The following CSMD1 variants were observed in gnomAD, a reference collection of about 807,000 sequenced individuals.
CSMD1 encodes the protein CUB and Sushi multiple domains 1.
Under a neutral mutation model 417.5 loss-of-function variants are expected in CSMD1, and 213 were observed. The ratio of observed to expected loss-of-function variants is 0.51; its 90% CI spans 0.46 to 0.57. The LOEUF (loss-of-function observed/expected upper bound fraction) is 0.57. Among genes scored for constraint, CSMD1 ranks in the 20% least tolerant of loss-of-function variants. CSMD1 has a pLI of 0.00. For missense variants in CSMD1, 6,923 were observed against 4,529.7 expected (o/e 1.53, Z -15.17); for synonymous variants, 2,862 against 1,736.8 (o/e 1.65, Z -16.11).
chr8:4,975,699 T>C (rs1489529885), intron 1 of CSMD1, among the ~76,000 whole-genome samples: 2 of 152,192 alleles, frequency 1.3e-5, no homozygotes, highest in Non-Finnish European at 2.9e-5. Flanking sequence ...CTATTACCAT[T>C]GTGAGCTCTT....
intron 3 of CSMD1, among the ~76,000 whole-genome samples, chr8:4,338,052 A>G (rs938351817): frequency 2.6e-5 from 4 of 152,162 alleles, no homozygotes; most frequent in African/African-American, 4.8e-5. Flanking sequence ...ATCTGCTTCA[A>G]TAAAGCCCCA....
intron 10 of CSMD1, among the ~76,000 whole-genome samples, chr8:3,530,433 T>G (rs752291299): frequency 6.6e-6 from 1 of 152,090 alleles, no homozygotes; most frequent in Non-Finnish European, 1.5e-5. Flanking sequence ...TTTAGGTGTG[T>G]TGTTTAACTT....
chr8:4,566,628 G>T (rs1798621711), intron 2 of CSMD1, among the ~76,000 whole-genome samples: 3 of 131,684 alleles, frequency 2.3e-5, no homozygotes, highest in Non-Finnish European at 3.1e-5. Context: ...ACTCCAGCCT[G>T]GGTGACAGAG....
At chr8:3,411,760 G>C (rs568813822) in intron 12 of CSMD1, among the ~76,000 whole-genome samples, 10 of 121,424 alleles carry the variant, frequency 8.2e-5, no homozygotes, top group African/African-American at 3.0e-4. Context: ...GTGTATATAC[G>C]TGTATATACG....
At chr8:3,821,888 A>G (rs1451785674) in intron 5 of CSMD1, among the ~76,000 whole-genome samples, 2 of 152,216 alleles carry the variant, frequency 1.3e-5, no homozygotes, top group African/African-American at 4.8e-5. Flanking sequence ...GGTAAAAACC[A>G]TGAACTGTGC....
At chr8:3,306,605 G>A (rs999828100) in intron 25 of CSMD1, among the ~76,000 whole-genome samples, 2 of 152,078 alleles carry the variant, frequency 1.3e-5, no homozygotes, top group African/African-American at 4.8e-5. Context: ...TAAGGCTATT[G>A]GAGGTCAGAG....
At chr8:4,255,095 C>T (rs1186268828) in intron 3 of CSMD1, among the ~76,000 whole-genome samples, 1 of 152,146 alleles carries the variant, frequency 6.6e-6, no homozygotes, top group Non-Finnish European at 1.5e-5. Flanking sequence ...GGTTTAACCC[C>T]TCGGTCTCTC....
At chr8:4,470,842 CTTT>C (rs1800488722) in intron 2 of CSMD1, among the ~76,000 whole-genome samples, 1 of 152,034 alleles carries the variant, frequency 6.6e-6, no homozygotes, top group Admixed American at 6.5e-5. Flanking sequence ...CTCTGGGCTT[CTTT>C]GATTTTTTTT....
intron 1 of CSMD1, among the ~76,000 whole-genome samples, chr8:4,799,979 T>A (rs1227204011): frequency 6.6e-6 from 1 of 150,760 alleles, no homozygotes; most frequent in Non-Finnish European, 1.5e-5. Context: ...TTCTCATTTT[T>A]TCTAACATAA....
intron 1 of CSMD1, among the ~76,000 whole-genome samples, chr8:4,833,791 G>A (rs551740940): frequency 6.6e-6 from 1 of 152,168 alleles, no homozygotes; most frequent in South Asian, 2.1e-4. Context: ...TCCCATGGAA[G>A]GATAGATCAG....
intron 3 of CSMD1, among the ~76,000 whole-genome samples, chr8:4,315,284 A>G (rs551107457): frequency 6.6e-6 from 1 of 152,168 alleles, no homozygotes; most frequent in East Asian, 1.9e-4. Flanking sequence ...CTGAGACAGT[A>G]TGCGAGGAGA....
In CSMD1 at chr8:3,010,746, CTTT is replaced by C. The variant is rs34404492; in HGVS notation, c.8029+7728_8029+7730del. Among the ~76,000 whole-genome samples, 5 of 143,284 alleles carry C rather than the reference CTTT, an allele frequency of 3.5e-5. No homozygotes were observed. In the South Asian group the frequency reaches 8.9e-4, roughly 25 times the overall value. 94.0% of individuals were successfully genotyped at this position (143,284 alleles called of 152,430 possible). A position where few individuals can be genotyped will look rare whatever the true frequency, so the allele number is the denominator to read the frequency against. The stretch of plus-strand genomic sequence containing the variant: ...CCTTTTGCCATTATTCTATTCCCAA[CTTT>C]TTTTTTTTTTTTGAGATGAAATTTT... On this transcript the variant is annotated intron_variant, in intron 52 of 69. Coordinates refer to ENST00000635120, the MANE Select transcript of CSMD1 (RefSeq NM_033225.6).
intron 3 of CSMD1, among the ~76,000 whole-genome samples, chr8:4,362,364 C>T (rs559081730): frequency 2.6e-5 from 4 of 152,030 alleles, no homozygotes; most frequent in African/African-American, 7.3e-5. Flanking sequence ...CTGCCCCCTG[C>T]ACTCATAGTG....
intron 5 of CSMD1, among the ~76,000 whole-genome samples, chr8:3,931,589 T>C (rs947544699): frequency 6.7e-6 from 1 of 149,926 alleles, no homozygotes; most frequent in African/African-American, 2.5e-5. Context: ...GTGCCATGAA[T>C]TGCCTCAAAT....
chr8:3,997,691 C>G (rs554945688), intron 5 of CSMD1, among the ~76,000 whole-genome samples: 1 of 152,246 alleles, frequency 6.6e-6, no homozygotes, highest in East Asian at 1.9e-4. Context: ...GATGACTTCC[C>G]GAGCTCCAAA....
intron 1 of CSMD1, among the ~76,000 whole-genome samples, chr8:4,941,602 A>ATT (rs374080413): frequency 0.026 from 3,897 of 150,162 alleles, 91 homozygotes; most frequent in Middle Eastern, 0.078. Flanking sequence ...TTAATTTTTA[A>ATT]TTTTTATTTT....
intron 1 of CSMD1, among the ~76,000 whole-genome samples, chr8:4,681,881 C>G (rs947749596): frequency 2.6e-5 from 4 of 152,154 alleles, no homozygotes; most frequent in Admixed American, 6.5e-5. Flanking sequence ...GAAAAAAATG[C>G]TCAGAACAAA....
rs192843045 is a variant in CSMD1 at position 3,862,365 on chromosome 8, T to A, written c.819-108323A>T. ...ACCTCACTTTGCTTCCTCAGATTTA[T>A]CCTCTGATGTGGCCCTTTCATTTTC... On this transcript the variant is annotated intron_variant, in intron 5 of 69. Coordinates refer to ENST00000635120, the MANE Select transcript of CSMD1 (RefSeq NM_033225.6). Among the ~76,000 whole-genome samples the A allele has an allele frequency of 3.7e-3, 557 of 151,678 alleles. 2 individuals are homozygous for A. The highest frequency in any genetic ancestry group is 0.012 in the South Asian group (59 of 4,804).
intron 26 of CSMD1, among the ~76,000 whole-genome samples, chr8:3,242,433 G>C (rs996535193): frequency 7.9e-5 from 12 of 152,008 alleles, no homozygotes; most frequent in Admixed American, 4.6e-4. Context: ...ACTAGGTAGG[G>C]ACTGATGTGT....
Sources: allele counts gnomAD v4.1 joint callset (sites outside exome capture counted in the v4.1 genomes callset), GRCh38; gene constraint gnomAD v4.1.1; transcripts MANE v1.5; gene names NCBI Gene and HGNC (gene_info 2026-07-23, HGNC 2026-07-21).